SATL1: variants seen among roughly 807,000 people sequenced by gnomAD.
SATL1 encodes spermidine/spermine N1-acetyl transferase like 1.
A neutral mutation model predicts 51.8 loss-of-function variants in SATL1; 47 were observed. That is an observed-to-expected ratio of 0.91 (90% CI 0.72 to 1.16). SATL1 has a LOEUF of 1.16. SATL1 is among the 50% of genes most tolerant of loss of function. The pLI is 0.00. For missense variants in SATL1, 520 were observed against 526.4 expected (o/e 0.99, Z 0.12); for synonymous variants, 176 against 182.4 (o/e 0.97, Z 0.28).
chrX:85,117,984 G>A (rs773447824), intron 2 of SATL1, among the ~76,000 whole-genome samples: 19 of 108,488 alleles, frequency 1.8e-4, no homozygotes, highest in Non-Finnish European at 3.4e-4. Context: ...GTTTATAAAA[G>A]TTATCCAGCA....
chrX:85,196,934 C>G (rs1220069068), intron 2 of SATL1, among the ~76,000 whole-genome samples: 2 of 111,549 alleles, frequency 1.8e-5, no homozygotes, highest in African/African-American at 3.3e-5. Context: ...TTGGGATAAG[C>G]AATGGTTTCT....
intron 4 of SATL1, among the ~76,000 whole-genome samples, chrX:85,100,038 T>C (rs1000383828): frequency 2.7e-5 from 3 of 112,145 alleles, no homozygotes; most frequent in Non-Finnish European, 3.8e-5. Flanking sequence ...AAACCCCATC[T>C]CTACTAAAAA....
chrX:85,236,081 AC>A (rs1249591182), intron 1 of SATL1, among the ~76,000 whole-genome samples: 1 of 111,339 alleles, frequency 9.0e-6, no homozygotes, highest in Non-Finnish European at 1.9e-5. Context: ...AAACTGGAAA[AC>A]CTAGAAGAAA....
At chrX:85,147,466 C>A (rs1926286112) in intron 2 of SATL1, among the ~76,000 whole-genome samples, 3 of 114,338 alleles carry the variant, frequency 2.6e-5, no homozygotes, top group African/African-American at 6.3e-5. Context: ...TTGAAGAGAG[C>A]AGTGGTTCTC....
intron 1 of SATL1, among the ~76,000 whole-genome samples, chrX:85,239,331 A>G (rs1011371009): frequency 3.6e-5 from 4 of 111,509 alleles, no homozygotes; most frequent in African/African-American, 1.3e-4. Context: ...CACAGAATGT[A>G]TATACTGAAA....
intron 2 of SATL1, among the ~76,000 whole-genome samples, chrX:85,174,831 TAGAG>T (rs1378871317): frequency 9.0e-6 from 1 of 111,625 alleles, no homozygotes; most frequent in African/African-American, 3.2e-5. Flanking sequence ...TGAAAATAAA[TAGAG>T]AATGAAACTG....
chrX:85,218,662 G>A (rs1928105104), intron 2 of SATL1, among the ~76,000 whole-genome samples: 1 of 111,764 alleles, frequency 8.9e-6, no homozygotes, highest in Non-Finnish European at 1.9e-5. Context: ...ATTTAATTTT[G>A]TGTTAGTACA....
chrX:85,103,766 G>C, intron 4 of SATL1, 98 bp downstream of exon 4: 1 of 550,213 alleles, frequency 1.8e-6, no homozygotes, highest in Admixed American at 2.6e-5. Flanking sequence ...TGTTAGTAAT[G>C]GTGTCATCTT....
At chrX:85,100,501 C>G (rs141932314) in intron 4 of SATL1, among the ~76,000 whole-genome samples, 2,940 of 111,702 alleles carry the variant, frequency 0.026, 111 homozygotes, top group African/African-American at 0.09. Flanking sequence ...AGGTTAAAAA[C>G]TTGTATACTG....
intron 2 of SATL1, among the ~76,000 whole-genome samples, chrX:85,192,966 C>G (rs997448978): frequency 8.9e-5 from 10 of 111,804 alleles, no homozygotes; most frequent in Non-Finnish European, 1.9e-4. Flanking sequence ...TCACTCTACT[C>G]TACTCTTGAT....
intron 2 of SATL1, among the ~76,000 whole-genome samples, chrX:85,113,257 A>G (rs1295805832): frequency 2.7e-5 from 3 of 110,070 alleles, no homozygotes; most frequent in Non-Finnish European, 5.7e-5. Context: ...GATGGCGTGA[A>G]GGCAAGAGGA....
At chrX:85,131,729 GT>G (rs768965202) in intron 2 of SATL1, among the ~76,000 whole-genome samples, 1 of 111,728 alleles carries the variant, frequency 9.0e-6, no homozygotes, top group East Asian at 2.8e-4. Context: ...AGTTGATGCA[GT>G]TTTTTCCTAG....
chrX:85,140,106 C>G (rs960997243), intron 2 of SATL1, among the ~76,000 whole-genome samples: 6 of 111,464 alleles, frequency 5.4e-5, no homozygotes, highest in Non-Finnish European at 1.1e-4. Context: ...ACATTTGAAC[C>G]AATCTAATAC....
At chrX:85,190,554 T>C (rs1329188568) in intron 2 of SATL1, among the ~76,000 whole-genome samples, 2 of 111,458 alleles carry the variant, frequency 1.8e-5, no homozygotes, top group Non-Finnish European at 3.8e-5. Flanking sequence ...CACTAAAAGA[T>C]ATACTAGATG....
chrX:85,094,047 A>C (rs1031286330), intron 6 of SATL1, 81 bp downstream of exon 6: 1 of 511,620 alleles, frequency 2.0e-6, no homozygotes, highest in African/African-American at 2.4e-5. Context: ...CACCGTATGT[A>C]TAGTAAAGCC....
Position 85,092,464 on chromosome X carries a change from A to G in SATL1, c.2015T>C (p.Leu672Pro), listed in dbSNP as rs112886077. 1 of 1,205,661 alleles carries G rather than the reference A, an allele frequency of 8.3e-7. No homozygotes were observed. The highest frequency in any genetic ancestry group is 1.1e-6 in the Non-Finnish European group (1 of 892,285). Residue 672 changes from leucine to proline, a missense_variant, in exon 8 of 8, where the codon CTT becomes CCT. By Grantham distance (98) the Leu-to-Pro change is moderately conservative. Coordinates refer to ENST00000644105, the MANE Select transcript of SATL1 (RefSeq NM_001367857.2). Reference sequence around the variant, plus strand: ...GAGATGCCAGCCCTCCTCAGAGGAAAGGTCTAAAGCCCCTCGACTAGTATA... The same window carrying G: ...GAGATGCCAGCCCTCCTCAGAGGAAGGGTCTAAAGCCCCTCGACTAGTATA... ...NYYTSRGALD[L>P]SSEEGWHLFR...
chrX:85,164,007 A>G (rs1336784106), intron 2 of SATL1, among the ~76,000 whole-genome samples: 1 of 112,210 alleles, frequency 8.9e-6, no homozygotes, highest in African/African-American at 3.2e-5. Flanking sequence ...TTATCATTAT[A>G]TAATGTCCCT....
intron 2 of SATL1, among the ~76,000 whole-genome samples, chrX:85,204,674 A>G (rs1279494131): frequency 2.7e-5 from 3 of 111,288 alleles, no homozygotes; most frequent in Non-Finnish European, 5.7e-5. Flanking sequence ...TTGAAGACTA[A>G]TTACCTCTTT....
At chrX:85,193,595 T>C (rs66473230) in intron 2 of SATL1, among the ~76,000 whole-genome samples, 14,346 of 111,301 alleles carry the variant, frequency 0.13, 712 homozygotes, top group South Asian at 0.18. Context: ...TGATGGATTG[T>C]TGTACAGATT....
Sources: allele counts gnomAD v4.1 joint callset (sites outside exome capture counted in the v4.1 genomes callset), GRCh38; gene constraint gnomAD v4.1.1; transcripts MANE v1.5; gene names NCBI Gene and HGNC (gene_info 2026-07-23, HGNC 2026-07-21).